ZNF600: variants seen among roughly 807,000 people sequenced by gnomAD.
ZNF600 encodes the protein zinc finger protein 600.
ZNF600 carries 4 observed loss-of-function variants against 7.3 expected under a neutral mutation model. The ratio of observed to expected loss-of-function variants is 0.55; its 90% confidence interval spans 0.27 to 1.25. The LOEUF (loss-of-function observed/expected upper bound fraction) is 1.25. Among genes scored for constraint, ZNF600 ranks in the 50% most tolerant of loss-of-function variants. ZNF600 has a pLI of 0.12. For synonymous variants in ZNF600, 290 were observed against 308.9 expected (o/e 0.94, Z 0.64); for missense variants, 911 against 922.1 (o/e 0.99, Z 0.16).
At chr19:52,785,245 CT>C (rs879349377) in intron 1 of ZNF600, among the ~76,000 whole-genome samples, 99 of 144,832 alleles carry the variant, frequency 6.8e-4, no homozygotes, top group South Asian at 1.1e-3. Context: ...TATTTAACCT[CT>C]TTTTTTTTTT....
chr19:52,795,941 G>A, the ZNF600 span, among the ~76,000 whole-genome samples: 5 of 151,500 alleles, frequency 3.3e-5, no homozygotes, highest in East Asian at 2.0e-4. Flanking sequence ...TTGGGAGGCC[G>A]ATGCAGCTGG....
the ZNF600 span, chr19:52,807,835 G>A: frequency 9.0e-7 from 1 of 1,113,138 alleles, no homozygotes; most frequent in Non-Finnish European, 1.3e-6. Flanking sequence ...CATGAAGAAT[G>A]CAGAACCTCT....
the ZNF600 span, among the ~76,000 whole-genome samples, chr19:52,820,293 AT>A: frequency 7.6e-6 from 1 of 131,494 alleles, no homozygotes; most frequent in Non-Finnish European, 1.6e-5. Flanking sequence ...AATTTTTTGT[AT>A]TTTTAGTAGA....
the ZNF600 span, among the ~76,000 whole-genome samples, chr19:52,808,528 G>A: frequency 2.0e-5 from 3 of 151,656 alleles, no homozygotes; most frequent in South Asian, 2.1e-4. Context: ...TCCCAGCTAC[G>A]CAGGAGGCTG....
At chr19:52,833,633 C>T in the ZNF600 span, among the ~76,000 whole-genome samples, 4 of 152,160 alleles carry the variant, frequency 2.6e-5, no homozygotes, top group African/African-American at 4.8e-5. Flanking sequence ...CAATCCTGTA[C>T]GTGAAAAAAG....
At chr19:52,778,832 A>T in exon 2 of ZNF600, 2 of 1,607,278 alleles carry the variant, frequency 1.2e-6, no homozygotes, top group Non-Finnish European at 1.7e-6. Context: ...TCACCTGAGG[A>T]AGAGCCATGC....
the ZNF600 span, chr19:52,801,567 T>A: frequency 1.2e-6 from 2 of 1,614,218 alleles, no homozygotes; most frequent in South Asian, 2.2e-5. Context: ...GCCATGAATG[T>A]CTTTCTCAAT....
chr19:52,827,243 T>C, the ZNF600 span, among the ~76,000 whole-genome samples: 1 of 69,286 alleles, frequency 1.4e-5, no homozygotes, highest in African/African-American at 5.8e-5. Flanking sequence ...ACCCTGTCTC[T>C]AAAAACAAAA....
At chr19:52,831,746 T>C in the ZNF600 span, among the ~76,000 whole-genome samples, 51,103 of 151,824 alleles carry the variant, frequency 0.34, 8,908 homozygotes, top group South Asian at 0.53. Context: ...CCTCATGATC[T>C]GCCCACCTCG....
intron 1 of ZNF600, among the ~76,000 whole-genome samples, chr19:52,784,548 G>A (rs763803628): frequency 1.9e-4 from 29 of 152,302 alleles, no homozygotes; most frequent in Middle Eastern, 3.4e-3. Flanking sequence ...GGGATTCCAA[G>A]TAGAAGCTAA....
chr19:52,830,001 C>T, the ZNF600 span, among the ~76,000 whole-genome samples: 3 of 152,162 alleles, frequency 2.0e-5, no homozygotes, highest in African/African-American at 4.8e-5. Flanking sequence ...CAGCTGGGAA[C>T]GGTGGCTCAT....
chr19:52,776,612 A>G (rs374276739), intron 2 of ZNF600, among the ~76,000 whole-genome samples: 116 of 152,192 alleles, frequency 7.6e-4, no homozygotes, highest in African/African-American at 2.6e-3. Context: ...GGGTTTCACC[A>G]TCTTAGCCAG....
the ZNF600 span, among the ~76,000 whole-genome samples, chr19:52,813,274 C>T: frequency 0.42 from 24,468 of 57,742 alleles, 4,104 homozygotes; most frequent in African/African-American, 0.6. Context: ...AAAAAAAAGA[C>T]ATACTGTGGA....
the ZNF600 span, chr19:52,798,717 G>A: frequency 2.1e-6 from 1 of 475,424 alleles, no homozygotes; most frequent in Non-Finnish European, 4.1e-6. Flanking sequence ...GTTCGATGAT[G>A]AATAGCAATA....
At chr19:52,803,223 C>T in the ZNF600 span, among the ~76,000 whole-genome samples, 2 of 152,214 alleles carry the variant, frequency 1.3e-5, no homozygotes, top group Admixed American at 6.5e-5. Context: ...AATGCAGGCA[C>T]ATGCCACTGT....
chr19:52,765,207 G>C, exon 4 of ZNF600: 2 of 510,516 alleles, frequency 3.9e-6, no homozygotes, highest in South Asian at 3.0e-5. Flanking sequence ...CTGATGTTCT[G>C]CAAGGAGTGA....
At chr19:52,821,732 G>C in the ZNF600 span, 2 of 152,126 alleles carry the variant, frequency 1.3e-5, no homozygotes, top group African/African-American at 4.8e-5. Flanking sequence ...GCGAAGCGGC[G>C]AGACCTTGCC....
intron 1 of ZNF600, among the ~76,000 whole-genome samples, chr19:52,783,032 T>C (rs12979294): frequency 0.29 from 35,001 of 122,100 alleles, 7,851 homozygotes; most frequent in Non-Finnish European, 0.46. Flanking sequence ...CACTTCTTAC[T>C]CTACTTCTCT....
intron 1 of ZNF600, among the ~76,000 whole-genome samples, chr19:52,779,440 G>A (rs954228827): frequency 2.0e-5 from 3 of 152,178 alleles, no homozygotes; most frequent in Non-Finnish European, 4.4e-5. Context: ...CACTCAGAGG[G>A]GGCGAGCCCA....
Sources: allele counts gnomAD v4.1 joint callset (sites outside exome capture counted in the v4.1 genomes callset), GRCh38; gene constraint gnomAD v4.1.1; transcripts MANE v1.5; gene names NCBI Gene and HGNC (gene_info 2026-07-23, HGNC 2026-07-21).